The following FURIN variants were observed in gnomAD, a reference collection of about 807,000 sequenced individuals.
FURIN encodes FES upstream region.
Under a neutral mutation model 89.2 loss-of-function variants are expected in FURIN, and 18 were observed. The ratio of observed to expected loss-of-function variants is 0.20; its 90% CI spans 0.14 to 0.30. The LOEUF (loss-of-function observed/expected upper bound fraction) is 0.30. FURIN is among the 10% of genes least tolerant of loss of function. The pLI, the probability that FURIN is intolerant of heterozygous loss-of-function variation, is 1.00. For missense variants in FURIN, 879 were observed against 1,100.5 expected, an observed-to-expected ratio of 0.80 and a Z score of 2.85; for synonymous variants, 508 against 466.4, an observed-to-expected ratio of 1.09 and a Z score of -1.15.
chr15:90,879,599 C>T (rs540657855), intron 10 of FURIN, 55 bp downstream of exon 10: 103 of 1,555,738 alleles, frequency 6.6e-5, no homozygotes, highest in Non-Finnish European at 8.5e-5. Flanking sequence ...CTCTGTAGGG[C>T]AGCCCTTAGG....
In FURIN at chr15:90,875,934, A is replaced by G; in HGVS notation, c.177+17A>G. ...CTGGGCCAGGTAGGTGTTCCCCCAC[A>G]GGACACTGCCAGGGGGTGGGACCAG... On this transcript the variant is annotated intron_variant, in intron 2 of 15. Coordinates refer to ENST00000268171, the MANE Select transcript of FURIN (RefSeq NM_002569.4). The G allele has an allele frequency of 6.4e-7, 1 of 1,556,920 alleles. No individual in the cohort carries two copies. The highest frequency in any genetic ancestry group is 1.9e-5 in the Admixed American group (1 of 51,690).
chr15:90,881,293 G>A lies in FURIN; in HGVS notation c.1800G>A (p.Glu600=), dbSNP rs1222385366. The change falls in exon 16 of 16, where the codon GAG becomes GAA. Residue 600 remains glutamate, a synonymous_variant. Coordinates refer to ENST00000268171, the MANE Select transcript of FURIN (RefSeq NM_002569.4). This position sits in a 1 kb window ranked among gnomAD's most constrained non-coding sequence, Gnocchi z 4.3. ...TCTCTCCCACGCCGGCAGTGTGCGA[G>A]GAAGGCTTCTCCCTGCACCAGAAGA... ...LTSSQACVVC[E]EGFSLHQKSC... is the part of the protein sequence containing the mutation. 2 of 1,596,976 alleles carry A rather than the reference G, an allele frequency of 1.3e-6. No individual in the cohort carries two copies. Among genetic ancestry groups the A allele is most frequent in the African/African-American group, 1.3e-5 (1 of 74,520 alleles).
rs755442712 is a variant in FURIN at position 90,875,675 on chromosome 15, G to A, written c.-66G>A. 5.8e-6 allele frequency: 8 copies of A among 1,389,366 alleles called. No individual in the cohort carries two copies. The Admixed American group carries it at 2.1e-4, about 36-fold the overall frequency. 86.1% of individuals were successfully genotyped at this position (1,389,366 alleles called of 1,614,324 possible). A position where few individuals can be genotyped will look rare whatever the true frequency, so the allele number is the denominator to read the frequency against. ...CCACAGGCAGTGAGCAGGCACCTGG[G>A]AGCCGAGGCCCTGTGACCAGGCCAA... On this transcript the variant is annotated 5_prime_UTR_variant, in exon 2 of 16. Transcript: ENST00000268171.
rs1027526414 is a variant in FURIN at position 90,881,282 on chromosome 15, G to T, written c.1793-4G>T. On this transcript the variant is annotated splice_polypyrimidine_tract_variant and splice_region_variant and intron_variant, in intron 15 of 15. Transcript: ENST00000268171. The surrounding 1 kb of genome is among the most constrained non-coding windows in gnomAD (Gnocchi z 4.3). ...CACACTTGCCCTCTCTCCCACGCCG[G>T]CAGTGTGCGAGGAAGGCTTCTCCCT... 1 of 1,586,098 alleles carries T rather than the reference G, an allele frequency of 6.3e-7. No homozygotes were observed. The highest frequency in any genetic ancestry group is 8.6e-7 in the Non-Finnish European group (1 of 1,161,342).
intron 9 of FURIN, 50 bp downstream of exon 9, chr15:90,879,026 C>T: frequency 3.3e-6 from 4 of 1,203,840 alleles, no homozygotes. Context: ...TGCTGGCTGG[C>T]TCTGTCCAGC....
intron 1 of FURIN, among the ~76,000 whole-genome samples, chr15:90,869,585 T>G (rs113640695): frequency 6.6e-6 from 1 of 151,848 alleles, no homozygotes; most frequent in African/African-American, 2.4e-5. Flanking sequence ...GGGAGGCACC[T>G]CTGAGAACCC....
In FURIN at chr15:90,875,821, G is replaced by T; in HGVS notation, c.81G>T (p.Gln27His). Residue 27 changes from glutamine (Q) to histidine (H), a missense_variant, in exon 2 of 16, where the codon CAG becomes CAT. Gln to His is a conservative substitution (Grantham distance 24). Coordinates refer to ENST00000268171, the MANE Select transcript of FURIN (RefSeq NM_002569.4). ...LVLLAADAQGQKVFTNTWAVR... is the reference protein window; with the variant it reads ...LVLLAADAQGHKVFTNTWAVR... ...TGCTAGCAGCTGATGCTCAGGGCCA[G>T]AAGGTCTTCACCAACACGTGGGCTG... 6.4e-7 allele frequency: 1 copy of T among 1,568,444 alleles called. No individual in the cohort carries two copies. The highest frequency in any genetic ancestry group is 8.6e-7 in the Non-Finnish European group (1 of 1,156,138).
At chr15:90,869,331 G>A (rs539444272) in intron 1 of FURIN, among the ~76,000 whole-genome samples, 2 of 152,158 alleles carry the variant, frequency 1.3e-5, no homozygotes, top group African/African-American at 4.8e-5. Flanking sequence ...CCAGTTGAGA[G>A]TGATAAAGAG....
At position 90,881,181 on chromosome 15, in the gene FURIN, G is replaced by T; in HGVS notation, c.1793-105G>T. 1 of 1,117,276 alleles carries T rather than the reference G, an allele frequency of 9.0e-7. No individual in the cohort carries two copies. Among genetic ancestry groups the T allele is most frequent in the East Asian group, 2.4e-5 (1 of 41,228 alleles). The allele number at this position is 1,117,276 out of a possible 1,614,324, so 69.2% of individuals were successfully genotyped here. A position where few individuals can be genotyped will look rare whatever the true frequency, so the allele number is the denominator to read the frequency against. On this transcript the variant is annotated intron_variant, in intron 15 of 15. Transcript: ENST00000268171. This position sits in a 1 kb window ranked among gnomAD's most constrained non-coding sequence, Gnocchi z 4.3. ...CTCTTGGGATGACCACAGTCCTGGG[G>T]CTGGAGGATCCTGGGGATGTGGTGA...
At chr15:90,878,105 C>T (rs748421812) in intron 7 of FURIN, 27 bp from the exon 8 acceptor site, 65 of 1,612,416 alleles carry the variant, frequency 4.0e-5, no homozygotes, top group Non-Finnish European at 5.3e-5. Flanking sequence ...TGCAGCATCC[C>T]TCTTCGTGCC....
At position 90,881,750 on chromosome 15, in the gene FURIN, G is replaced by A. The variant is rs202022443; in HGVS notation, c.2257G>A (p.Asp753Asn). 129 of 1,610,938 alleles carry A rather than the reference G, an allele frequency of 8.0e-5. 1 individual carries two copies. The highest frequency in any genetic ancestry group is 8.8e-5 in the Non-Finnish European group (104 of 1,178,574). ...SFRGVKVYTM[D>N]RGLISYKGLP... is the part of the protein sequence containing the mutation. Reference sequence around the variant, plus strand: ...TCGGGGGGTGAAGGTGTACACCATGGACCGTGGCCTCATCTCCTACAAGGG... The same window carrying A: ...TCGGGGGGTGAAGGTGTACACCATGAACCGTGGCCTCATCTCCTACAAGGG... Residue 753 changes from aspartate to asparagine, a missense_variant, in exon 16 of 16, where the codon GAC (aspartate) becomes AAC (asparagine). Asp to Asn is a conservative substitution (Grantham distance 23). Around this residue, in one of 5 missense-constraint regions of FURIN, gnomAD observed 457 missense variants for 490.7 expected, o/e 0.93. Coordinates refer to ENST00000268171, the MANE Select transcript of FURIN (RefSeq NM_002569.4). The surrounding 1 kb of genome is among the most constrained non-coding windows in gnomAD (Gnocchi z 4.3).
Position 90,878,146 on chromosome 15 carries a change from G to T in FURIN, c.682G>T (p.Asp228Tyr). ...NARIGGVRML[D>Y]GEVTDAVEAR... ...TTCACGGCCAGGGGTGCGCATGCTG[G>T]ATGGCGAGGTGACAGATGCAGTGGA... Residue 228 changes from aspartate to tyrosine, a missense_variant, in exon 8 of 16, where the codon GAT (aspartate) becomes TAT (tyrosine). By Grantham distance (160) the Asp-to-Tyr change is radical. Around this residue, in one of 5 missense-constraint regions of FURIN, gnomAD observed 139 missense variants for 215.0 expected, o/e 0.65. Coordinates refer to ENST00000268171, the MANE Select transcript of FURIN (RefSeq NM_002569.4). The T allele has an allele frequency of 6.2e-7, 1 of 1,613,858 alleles. No individual in the cohort carries two copies. The highest frequency in any genetic ancestry group is 1.3e-5 in the African/African-American group (1 of 75,048).
rs563670551 is a variant in FURIN, at chr15:90,870,173, G to A, written c.-160+1462G>A. ...AATATTATCTCCATTTTATAGAGGG[G>A]TAAATTGAGGAAGTCCCTGAGAAAT... On this transcript the variant is annotated intron_variant, in intron 1 of 15. Coordinates refer to ENST00000268171, the MANE Select transcript of FURIN (RefSeq NM_002569.4). 1.1e-4 allele frequency among the ~76,000 whole-genome samples: 16 copies of A among 152,332 alleles called. No homozygotes were observed. The East Asian group carries it at 2.9e-3, about 28-fold the overall frequency.
At chr15:90,870,258 G>A (rs191982007) in intron 1 of FURIN, among the ~76,000 whole-genome samples, 1 of 152,316 alleles carries the variant, frequency 6.6e-6, no homozygotes, top group Admixed American at 6.5e-5. Context: ...CCGGTTTGCT[G>A]ATTGATTTTT....
chr15:90,871,686 C>G (rs2031310429), intron 1 of FURIN: 1 of 148,658 alleles, frequency 6.7e-6, no homozygotes, highest in African/African-American at 2.5e-5. Flanking sequence ...GCCGGCCGGG[C>G]CGGGCCGTGG....
chr15:90,881,868 G>A lies in FURIN; in HGVS notation c.2375G>A (p.Ser792Asn). The part of the protein sequence containing the change: ...GERTAFIKDQ[S>N]AL ...AGGACCGCCTTTATCAAAGACCAGA[G>A]CGCCCTCTGATGAGCCCACTGCCCA... The change falls in exon 16 of 16, where the codon AGC (serine) becomes AAC (asparagine). Residue 792 changes from serine (S) to asparagine (N), a missense_variant. Physicochemically the swap from Ser to Asn is conservative, Grantham distance 46 (BLOSUM62 1). Around this residue, in one of 5 missense-constraint regions of FURIN, gnomAD observed 457 missense variants for 490.7 expected, o/e 0.93. Coordinates refer to ENST00000268171, the MANE Select transcript of FURIN (RefSeq NM_002569.4). This position sits in a 1 kb window ranked among gnomAD's most constrained non-coding sequence, Gnocchi z 4.3. 1.2e-6 allele frequency: 2 copies of A among 1,610,994 alleles called. No homozygotes were observed. Among genetic ancestry groups the A allele is most frequent in the Non-Finnish European group, 8.5e-7 (1 of 1,178,946 alleles).
At chr15:90,877,099 T>C in intron 5 of FURIN, 36 bp from the exon 6 acceptor site, 1 of 1,609,416 alleles carries the variant, frequency 6.2e-7, no homozygotes, top group Non-Finnish European at 8.5e-7. Flanking sequence ...ATCAGTGAGG[T>C]CAGCCTTCTC....
intron 1 of FURIN, among the ~76,000 whole-genome samples, chr15:90,872,128 G>C (rs2031346969): frequency 6.6e-6 from 1 of 151,486 alleles, no homozygotes; most frequent in African/African-American, 2.4e-5. Flanking sequence ...GCGGCCGGGG[G>C]CGAGGCGGGG....
chr15:90,875,926 T>A lies in FURIN; in HGVS notation c.177+9T>A. The A allele has an allele frequency of 6.4e-7, 1 of 1,572,056 alleles. No homozygotes were observed. Among genetic ancestry groups the A allele is most frequent in the Non-Finnish European group, 8.6e-7 (1 of 1,159,286 alleles). ...TCCTCAACCTGGGCCAGGTAGGTGTTCCCCCACAGGACACTGCCAGGGGGT... is the reference window on the plus strand; with the variant it reads ...TCCTCAACCTGGGCCAGGTAGGTGTACCCCCACAGGACACTGCCAGGGGGT... On this transcript the variant is annotated intron_variant, in intron 2 of 15. Coordinates refer to ENST00000268171, the MANE Select transcript of FURIN (RefSeq NM_002569.4).
Sources: gnomAD v4.1 joint callset for allele counts (sites outside exome capture counted in the v4.1 genomes callset) on GRCh38, gnomAD v4.1.1 for gene constraint, gnomAD v4.1.1 regional missense constraint, Gnocchi (gnomAD v3.1) non-coding constraint, MANE v1.5 for transcripts, NCBI Gene and HGNC (gene_info 2026-07-23, HGNC 2026-07-21) for gene names.